ALPP: variants seen among roughly 807,000 people sequenced by gnomAD.
ALPP encodes alkaline phosphatase, placental type.
ALPP carries 39 observed loss-of-function variants against 50.7 expected under a neutral mutation model. The ratio of observed to expected loss-of-function variants is 0.77; its 90% CI spans 0.60 to 1.00. The LOEUF (loss-of-function observed/expected upper bound fraction) is 1.00. Among genes scored for constraint, ALPP ranks in the 50% least tolerant of loss-of-function variants. ALPP has a pLI of 0.00. For missense variants in ALPP, 550 were observed against 746.8 expected (o/e 0.74, Z 3.07); for synonymous variants, 226 against 320.3 (o/e 0.71, Z 3.14).
chr2:232,381,493 C>T lies in ALPP; in HGVS notation c.1310-4C>T, dbSNP rs1251150383. Reference sequence around the variant, plus strand: ...CTCCTACCGGAACTGAACCCTCCAACCAGGGAGCCCCGAGTATCGGCAGCA... The same window carrying T: ...CTCCTACCGGAACTGAACCCTCCAATCAGGGAGCCCCGAGTATCGGCAGCA... On this transcript the variant is annotated splice_polypyrimidine_tract_variant and splice_region_variant and intron_variant, in intron 10 of 10. Transcript: ENST00000392027. The T allele has an allele frequency of 6.2e-7, 1 of 1,613,132 alleles. No homozygotes were observed. Among genetic ancestry groups the T allele is most frequent in the Admixed American group, 1.7e-5 (1 of 59,962 alleles).
rs774027961 is a variant in ALPP at position 232,381,687 on chromosome 2, C to G, written c.1500C>G (p.Pro500=). 1 of 1,608,920 alleles carries G rather than the reference C, an allele frequency of 6.2e-7. No individual in the cohort carries two copies. Among genetic ancestry groups the G allele is most frequent in the Admixed American group, 1.7e-5 (1 of 59,770 alleles). Residue 500 remains proline, a synonymous_variant, in exon 11 of 11, where the codon CCC becomes CCG. Transcript: ENST00000392027. ...CCTACACCGCCTGCGACCTGGCGCC[C>G]CCCGCCGGCACCACCGACGCCGCGC... The part of the protein sequence containing the change: ...LEPYTACDLA[P]PAGTTDAAHP...
Position 232,380,197 on chromosome 2 carries a change from T to C in ALPP, c.669T>C (p.Gly223=), listed in dbSNP as rs375078005. ...TCCTCTGTTCCCAGGTGATCCTAGGTGGAGGCCGAAAGTACATGTTTCGCA... is the reference window on the plus strand; with the variant it reads ...TCCTCTGTTCCCAGGTGATCCTAGGCGGAGGCCGAAAGTACATGTTTCGCA... ...ISNMDIDVIL[G]GGRKYMFRMG... Residue 223 remains glycine, a synonymous_variant, in exon 6 of 11, where the codon GGT becomes GGC. Coordinates refer to ENST00000392027, the MANE Select transcript of ALPP (RefSeq NM_001632.5). 7.4e-6 allele frequency: 12 copies of C among 1,613,982 alleles called. No individual in the cohort carries two copies. The East Asian group carries it at 8.9e-5, about 12-fold the overall frequency.
chr2:232,379,453 A>T, intron 3 of ALPP, 60 bp from the exon 4 acceptor site: 1 of 1,606,288 alleles, frequency 6.2e-7, no homozygotes, highest in Non-Finnish European at 8.5e-7. Context: ...GAGGACAGAG[A>T]TCAGGGTCTG....
rs748248964 is a variant in ALPP, at chr2:232,379,839, A to T, written c.560A>T (p.Asn187Ile). Residue 187 changes from asparagine (N) to isoleucine (I), a missense_variant, in exon 5 of 11, where the codon AAC (asparagine) becomes ATC (isoleucine). Coordinates refer to ENST00000392027, the MANE Select transcript of ALPP (RefSeq NM_001632.5). ...GCCGGCACCTACGCCCACACGGTGA[A>T]CCGCAACTGGTACTCGGACGCCGAC... ...SPAGTYAHTVNRNWYSDADVP... is the reference protein window; with the variant it reads ...SPAGTYAHTVIRNWYSDADVP... The T allele has an allele frequency of 1.7e-5, 28 of 1,613,728 alleles. No individual in the cohort carries two copies. Among genetic ancestry groups the T allele is most frequent in the Non-Finnish European group, 2.3e-5 (27 of 1,179,952 alleles).
chr2:232,378,899 G>A lies in ALPP; in HGVS notation c.76+21G>A, dbSNP rs756479418. The A allele has an allele frequency of 1.4e-5, 22 of 1,611,758 alleles. No homozygotes were observed. In the East Asian group the frequency reaches 4.5e-4, roughly 33 times the overall value. ...CCCAGGTAATGAGGCTCCCCGAGCTGCCCCTACACAACACACACACAGGGC... is the reference window on the plus strand; with the variant it reads ...CCCAGGTAATGAGGCTCCCCGAGCTACCCCTACACAACACACACACAGGGC... On this transcript the variant is annotated intron_variant, in intron 1 of 10. Coordinates refer to ENST00000392027, the MANE Select transcript of ALPP (RefSeq NM_001632.5).
rs2981374 is a variant in ALPP at position 232,381,689 on chromosome 2, C to T, written c.1502C>T (p.Pro501Leu). 1.9e-6 allele frequency: 3 copies of T among 1,605,374 alleles called. No homozygotes were observed. The highest frequency in any genetic ancestry group is 3.4e-5 in the Admixed American group (2 of 59,530). Residue 501 changes from proline (P) to leucine (L), a missense_variant, in exon 11 of 11, where the codon CCC (proline) becomes CTC (leucine). By Grantham distance (98) the Pro-to-Leu change is moderately conservative. Coordinates refer to ENST00000392027, the MANE Select transcript of ALPP (RefSeq NM_001632.5). The part of the protein sequence containing the change: ...EPYTACDLAP[P>L]AGTTDAAHPG... Reference sequence around the variant, plus strand: ...TACACCGCCTGCGACCTGGCGCCCCCCGCCGGCACCACCGACGCCGCGCAC... The same window carrying T: ...TACACCGCCTGCGACCTGGCGCCCCTCGCCGGCACCACCGACGCCGCGCAC...
Position 232,379,939 on chromosome 2 carries a change from G to T in ALPP, c.657+3G>T, listed in dbSNP as rs768298169. 1.4e-5 allele frequency: 22 copies of T among 1,601,320 alleles called. No individual in the cohort carries two copies. Among genetic ancestry groups the T allele is most frequent in the Non-Finnish European group, 1.9e-5 (22 of 1,173,710 alleles). ...TCATCTCCAACATGGACATTGACGT[G>T]CGACCCCCAGGCCAAGGGCTGGGGC... On this transcript the variant is annotated splice_donor_region_variant and intron_variant, in intron 5 of 10. Coordinates refer to ENST00000392027, the MANE Select transcript of ALPP (RefSeq NM_001632.5).
At chr2:232,380,344 G>C (rs779422520) in intron 6 of ALPP, 24 bp downstream of exon 6, 5 of 1,612,974 alleles carry the variant, frequency 3.1e-6, no homozygotes, top group South Asian at 2.2e-5. Context: ...GCGGGTGCAG[G>C]GGGCACAGCA....
In ALPP at chr2:232,379,009, G is replaced by A. The variant is rs1696650477; in HGVS notation, c.115G>A (p.Ala39Thr). The change falls in exon 2 of 11, where the codon GCC (alanine) becomes ACC (threonine). Residue 39 changes from alanine to threonine, a missense_variant. Coordinates refer to ENST00000392027, the MANE Select transcript of ALPP (RefSeq NM_001632.5). ...CCCGGACTTCTGGAACCGCGAGGCAGCCGAGGCCCTGGGTGCCGCCAAGAA... is the reference window on the plus strand; with the variant it reads ...CCCGGACTTCTGGAACCGCGAGGCAACCGAGGCCCTGGGTGCCGCCAAGAA... ...ENPDFWNREA[A>T]EALGAAKKLQ... 3.1e-6 allele frequency: 5 copies of A among 1,614,154 alleles called. No individual in the cohort carries two copies. The East Asian group carries it at 1.1e-4, about 36-fold the overall frequency.
intron 10 of ALPP, 46 bp from the exon 11 acceptor site, chr2:232,381,451 C>T (rs778703874): frequency 1.2e-5 from 19 of 1,612,396 alleles, no homozygotes; most frequent in Non-Finnish European, 1.6e-5. Context: ...TCCTGTCTGC[C>T]TGGAACTGAA....
rs1696724806 is a variant in ALPP, at chr2:232,381,892, C to T, written c.*97C>T. Reference sequence around the variant, plus strand: ...TGGCCTCCAGCCCGAGTCGTCATCCCCGGAGTCCCTATACAGAGGTCCTGC... The same window carrying T: ...TGGCCTCCAGCCCGAGTCGTCATCCTCGGAGTCCCTATACAGAGGTCCTGC... On this transcript the variant is annotated 3_prime_UTR_variant, in exon 11 of 11. Coordinates refer to ENST00000392027, the MANE Select transcript of ALPP (RefSeq NM_001632.5). The T allele has an allele frequency of 2.7e-6, 4 of 1,478,292 alleles. No individual in the cohort carries two copies. The highest frequency in any genetic ancestry group is 1.4e-5 in the South Asian group (1 of 73,504). The allele number at this position is 1,478,292 out of a possible 1,614,324, so 91.6% of individuals were successfully genotyped here.
rs917181095 is a variant in ALPP at position 232,379,266 on chromosome 2, C to G, written c.260C>G (p.Pro87Arg). The G allele has an allele frequency of 2.5e-6, 4 of 1,613,926 alleles. No individual in the cohort carries two copies. The African/African-American group carries it at 5.3e-5, about 22-fold the overall frequency. ...LKGQKKDKLG[P>R]EIPLAMDRFP... ...GGGCAGAAGAAGGACAAACTGGGGC[C>G]TGAGATACCCCTGGCCATGGACCGC... Residue 87 changes from proline to arginine, a missense_variant, in exon 3 of 11, where the codon CCT becomes CGT. Transcript: ENST00000392027.
Position 232,381,271 on chromosome 2 carries a change from C to G in ALPP, c.1213C>G (p.Arg405Gly), listed in dbSNP as rs548731032. The G allele has an allele frequency of 9.9e-6, 16 of 1,613,778 alleles. No individual in the cohort carries two copies. The Admixed American group carries it at 1.8e-4, about 18-fold the overall frequency. The stretch of plus-strand genomic sequence containing the variant: ...TGCAGGGCTGGCCCCTGGCAAGGCC[C>G]GGGACAGGAAGGCCTACACGGTCCT... ...SIFGLAPGKA[R>G]DRKAYTVLLY... Residue 405 changes from arginine to glycine, a missense_variant, in exon 10 of 11, where the codon CGG (arginine) becomes GGG (glycine). Around this residue, in one of 5 missense-constraint regions of ALPP, gnomAD observed 9 missense variants for 28.9 expected, o/e 0.31. Coordinates refer to ENST00000392027, the MANE Select transcript of ALPP (RefSeq NM_001632.5).
rs1041860718 is a variant in ALPP, at chr2:232,382,793, A to T, written c.*998A>T. ...CAGTGAGCCGAGGTCATGCCACTGCACTGCAGCCTGGGCGACAGAGCGAGA... is the reference window on the plus strand; with the variant it reads ...CAGTGAGCCGAGGTCATGCCACTGCTCTGCAGCCTGGGCGACAGAGCGAGA... On this transcript the variant is annotated 3_prime_UTR_variant, in exon 11 of 11. Transcript: ENST00000392027. The T allele has an allele frequency of 1.3e-5, 2 of 152,220 alleles. No individual in the cohort carries two copies. Among genetic ancestry groups the T allele is most frequent in the Non-Finnish European group, 2.9e-5 (2 of 68,064 alleles). The allele number at this position is 152,220 out of a possible 1,614,324, so 9.4% of individuals were successfully genotyped here. A position where few individuals can be genotyped will look rare whatever the true frequency, so the allele number is the denominator to read the frequency against.
In ALPP at chr2:232,382,757, G is replaced by A. The variant is rs921642111; in HGVS notation, c.*962G>A. On this transcript the variant is annotated 3_prime_UTR_variant, in exon 11 of 11. Transcript: ENST00000392027. ...GCAGGATAATCGCTTGAACCCGGGC[G>A]GCGGAGATTGCAGTGAGCCGAGGTC... 4 of 152,168 alleles carry A rather than the reference G, an allele frequency of 2.6e-5. No individual in the cohort carries two copies. Among genetic ancestry groups the A allele is most frequent in the African/African-American group, 7.2e-5 (3 of 41,436 alleles). 9.4% of individuals were successfully genotyped at this position (152,168 alleles called of 1,614,324 possible). A position where few individuals can be genotyped will look rare whatever the true frequency, so the allele number is the denominator to read the frequency against.
rs759881416 is a variant in ALPP, at chr2:232,379,073, T to A, written c.179T>A (p.Ile60Asn). The A allele has an allele frequency of 6.2e-7, 1 of 1,614,034 alleles. No homozygotes were observed. Among genetic ancestry groups the A allele is most frequent in the Non-Finnish European group, 8.5e-7 (1 of 1,180,010 alleles). The change falls in exon 2 of 11, where the codon ATC (isoleucine) becomes AAC (asparagine). Residue 60 changes from isoleucine to asparagine, a missense_variant. Physicochemically the swap from Ile to Asn is moderately radical, Grantham distance 149. Around this residue, in one of 5 missense-constraint regions of ALPP, gnomAD observed 376 missense variants for 388.5 expected, o/e 0.97. Coordinates refer to ENST00000392027, the MANE Select transcript of ALPP (RefSeq NM_001632.5). The stretch of plus-strand genomic sequence containing the variant: ...CAGACAGCCGCCAAGAACCTCATCA[T>A]CTTCCTGGGCGATGGTGAGTGAGCC... ...PAQTAAKNLI[I>N]FLGDGMGVST...
At position 232,381,331 on chromosome 2, in the gene ALPP, G is replaced by A; in HGVS notation, c.1273G>A (p.Asp425Asn). Residue 425 changes from aspartate (D) to asparagine (N), a missense_variant, in exon 10 of 11, where the codon GAC becomes AAC. Physicochemically the swap from Asp to Asn is conservative, Grantham distance 23 (BLOSUM62 1). This residue lies in a region of ALPP where 155 missense variants were observed against 167.6 expected (regional missense o/e 0.92). Transcript: ENST00000392027. ...AAACGGTCCAGGCTATGTGCTCAAG[G>A]ACGGCGCCCGGCCGGATGTTACCGA... ...YGNGPGYVLK[D>N]GARPDVTESE... is the part of the protein sequence containing the mutation. The A allele has an allele frequency of 6.2e-7, 1 of 1,614,182 alleles. No homozygotes were observed. Among genetic ancestry groups the A allele is most frequent in the Admixed American group, 1.7e-5 (1 of 60,028 alleles).
At position 232,382,699 on chromosome 2, in the gene ALPP, G is replaced by A. The variant is rs1696741158; in HGVS notation, c.*904G>A. On this transcript the variant is annotated 3_prime_UTR_variant, in exon 11 of 11. Coordinates refer to ENST00000392027, the MANE Select transcript of ALPP (RefSeq NM_001632.5). ...TAACACGGTGAAACCCCTTATCTATGCGCCTGTAGTCCCAGCTACCCAGGA... is the reference window on the plus strand; with the variant it reads ...TAACACGGTGAAACCCCTTATCTATACGCCTGTAGTCCCAGCTACCCAGGA... 6.6e-6 allele frequency: 1 copy of A among 152,218 alleles called. No homozygotes were observed. Among genetic ancestry groups the A allele is most frequent in the African/African-American group, 2.4e-5 (1 of 41,440 alleles). The allele number at this position is 152,218 out of a possible 1,614,324, so 9.4% of individuals were successfully genotyped here.
At position 232,378,909 on chromosome 2, in the gene ALPP, A is replaced by AC. The variant is rs1553557682; in HGVS notation, c.76+31_76+32insC. 9,499 of 1,611,278 alleles carry AC rather than the reference A, an allele frequency of 5.9e-3. 389 individuals carry two copies. The African/African-American group carries it at 0.11, about 19-fold the overall frequency. On this transcript the variant is annotated intron_variant, in intron 1 of 10. Transcript: ENST00000392027. ...GAGGCTCCCCGAGCTGCCCCTACAC[A>AC]ACACACACACAGGGCACCCCCCAGC...
Sources: allele counts gnomAD v4.1 joint callset, GRCh38; gene constraint gnomAD v4.1.1; regional missense constraint gnomAD v4.1.1; transcripts MANE v1.5; gene names NCBI Gene and HGNC (gene_info 2026-07-23, HGNC 2026-07-21).